The following SEMA3C variants were observed in gnomAD, a reference collection of about 807,000 sequenced individuals.
SEMA3C encodes semaphorin 3C, also known as semaphorin-3C.
A neutral mutation model predicts 89.4 loss-of-function variants in SEMA3C; 47 were observed. That is an observed-to-expected ratio of 0.53 (90% confidence interval 0.42 to 0.67). The LOEUF (loss-of-function observed/expected upper bound fraction) is 0.67. Among genes scored for constraint, SEMA3C ranks in the 30% least tolerant of loss-of-function variants. The pLI is 0.00. For synonymous variants in SEMA3C, 310 were observed against 320.2 expected (o/e 0.97, Z 0.34); for missense variants, 839 against 929.1 (o/e 0.90, Z 1.26).
chr7:80,797,266 AAGGC>A, intron 11 of SEMA3C, among the ~76,000 whole-genome samples: 1 of 152,276 alleles, frequency 6.6e-6, no homozygotes, highest in South Asian at 2.1e-4. Context: ...AACATTCTAG[AAGGC>A]AGCATTATTA....
intron 2 of SEMA3C, among the ~76,000 whole-genome samples, chr7:80,873,513 C>T (rs1016950305): frequency 6.6e-6 from 1 of 152,160 alleles, no homozygotes; most frequent in Non-Finnish European, 1.5e-5. Context: ...TCAGGCAATA[C>T]TAGGCCCATT....
Position 80,773,105 on chromosome 7 carries a change from A to C in SEMA3C, c.1355-7862T>G, listed in dbSNP as rs919114292. ...TCTTGGTAGTTGTCTGCATTTAATC[A>C]AAGAGAAAGCTAACAAATTAGTTTT... On this transcript the variant is annotated intron_variant, in intron 12 of 17. Coordinates refer to ENST00000265361, the MANE Select transcript of SEMA3C (RefSeq NM_006379.5). Among the ~76,000 whole-genome samples, 4 of 152,318 alleles carry C rather than the reference A, an allele frequency of 2.6e-5. No individual in the cohort carries two copies. In the East Asian group the frequency reaches 7.7e-4, roughly 29 times the overall value.
chr7:80,745,086 G>A lies in SEMA3C; in HGVS notation c.2064C>T (p.Phe688=). Residue 688 remains phenylalanine (F), a synonymous_variant, in exon 18 of 18, where the codon TTC becomes TTT. Coordinates refer to ENST00000265361, the MANE Select transcript of SEMA3C (RefSeq NM_006379.5). ...ATGCCCCCATGATGTCCTTCGGGTGGAAGGGTAAAGCCCTCACAGAGCTGG... is the reference window on the plus strand; with the variant it reads ...ATGCCCCCATGATGTCCTTCGGGTGAAAGGGTAAAGCCCTCACAGAGCTGG... ...TWASSVRALP[F]HPKDIMGAFS... is the part of the protein sequence containing the mutation. 1 of 1,614,026 alleles carries A rather than the reference G, an allele frequency of 6.2e-7. No homozygotes were observed. The highest frequency in any genetic ancestry group is 1.3e-5 in the African/African-American group (1 of 75,026).
At chr7:80,869,390 A>G (rs375818856) in intron 2 of SEMA3C, among the ~76,000 whole-genome samples, 2 of 152,344 alleles carry the variant, frequency 1.3e-5, no homozygotes, top group East Asian at 3.9e-4. Flanking sequence ...TGTTAAAGAT[A>G]CAAATTTGCT....
At chr7:80,827,513 G>T (rs768222457) in intron 3 of SEMA3C, 26 bp from the exon 4 acceptor site, 2 of 1,580,928 alleles carry the variant, frequency 1.3e-6, no homozygotes, top group African/African-American at 1.4e-5. Flanking sequence ...AATAAAGGTT[G>T]CATAATCTCA....
At chr7:80,876,954 A>C (rs1791216970) in intron 2 of SEMA3C, among the ~76,000 whole-genome samples, 1 of 152,232 alleles carries the variant, frequency 6.6e-6, no homozygotes. Flanking sequence ...GGGTCACGCC[A>C]AACTGGACCC....
At chr7:80,852,739 C>T (rs999265036) in intron 2 of SEMA3C, among the ~76,000 whole-genome samples, 19 of 145,912 alleles carry the variant, frequency 1.3e-4, no homozygotes, top group African/African-American at 3.4e-4. Flanking sequence ...AGTGCAGTGG[C>T]GCAATCTTGG....
intron 14 of SEMA3C, among the ~76,000 whole-genome samples, chr7:80,759,740 C>T (rs1237357830): frequency 6.6e-6 from 1 of 152,192 alleles, no homozygotes; most frequent in Non-Finnish European, 1.5e-5. Flanking sequence ...ATTTTATTCA[C>T]ATCAATTGAC....
At chr7:80,845,006 G>A (rs1020468729) in intron 2 of SEMA3C, among the ~76,000 whole-genome samples, 1 of 152,136 alleles carries the variant, frequency 6.6e-6, no homozygotes, top group Non-Finnish European at 1.5e-5. Flanking sequence ...TTTTCCAAAT[G>A]AAAGCAGAAT....
intron 2 of SEMA3C, among the ~76,000 whole-genome samples, chr7:80,831,111 G>C (rs1417500624): frequency 6.6e-6 from 1 of 152,142 alleles, no homozygotes; most frequent in Non-Finnish European, 1.5e-5. Flanking sequence ...TGGGCTGCTG[G>C]AATACACATT....
intron 2 of SEMA3C, among the ~76,000 whole-genome samples, chr7:80,911,389 G>A (rs533147240): frequency 3.0e-4 from 45 of 152,212 alleles, no homozygotes; most frequent in African/African-American, 7.7e-4. Context: ...GGAAGAATGC[G>A]AAAATGTATA....
intron 2 of SEMA3C, among the ~76,000 whole-genome samples, chr7:80,899,621 A>G (rs1791829052): frequency 6.6e-6 from 1 of 152,172 alleles, no homozygotes. Context: ...TTTACTCTAG[A>G]CCAAGAGTAG....
intron 2 of SEMA3C, among the ~76,000 whole-genome samples, chr7:80,897,031 A>G (rs115550207): frequency 0.011 from 1,750 of 152,216 alleles, 29 homozygotes; most frequent in African/African-American, 0.039. Context: ...GGCGCCGGAG[A>G]GCATGGGGCT....
intron 12 of SEMA3C, among the ~76,000 whole-genome samples, chr7:80,770,586 T>C (rs1411646502): frequency 6.6e-6 from 1 of 152,260 alleles, no homozygotes; most frequent in South Asian, 2.1e-4. Context: ...GGCTAAAGCC[T>C]AGCCAGAATC....
chr7:80,801,443 C>T (rs1789205568), intron 9 of SEMA3C, among the ~76,000 whole-genome samples: 2 of 151,818 alleles, frequency 1.3e-5, no homozygotes, highest in East Asian at 1.9e-4. Flanking sequence ...AAGGCAAAAA[C>T]AAAAGTATGC....
intron 12 of SEMA3C, among the ~76,000 whole-genome samples, chr7:80,777,789 G>C (rs1349041288): frequency 6.6e-6 from 1 of 152,200 alleles, no homozygotes; most frequent in African/African-American, 2.4e-5. Context: ...TTGAAAAATA[G>C]ATTTCTGGGA....
intron 2 of SEMA3C, among the ~76,000 whole-genome samples, chr7:80,913,134 C>T (rs1363298771): frequency 6.6e-6 from 1 of 152,206 alleles, no homozygotes; most frequent in African/African-American, 2.4e-5. Flanking sequence ...GGCGCAGTGG[C>T]TCACGCCTGT....
chr7:80,886,825 A>G (rs1443274849), intron 2 of SEMA3C, among the ~76,000 whole-genome samples: 3 of 152,198 alleles, frequency 2.0e-5, no homozygotes, highest in African/African-American at 4.8e-5. Context: ...CTAACCTTAA[A>G]TTATGAATAA....
intron 4 of SEMA3C, among the ~76,000 whole-genome samples, chr7:80,818,939 A>T (rs1789678701): frequency 1.3e-5 from 2 of 152,204 alleles, no homozygotes; most frequent in African/African-American, 4.8e-5. Context: ...CAGTCAACAA[A>T]CATTTACTGA....
Sources: allele counts gnomAD v4.1 joint callset (sites outside exome capture counted in the v4.1 genomes callset), GRCh38; gene constraint gnomAD v4.1.1; transcripts MANE v1.5; gene names NCBI Gene and HGNC (gene_info 2026-07-23, HGNC 2026-07-21).